The following SYT1 variants were observed in gnomAD, a reference collection of about 807,000 sequenced individuals.
SYT1 encodes synaptotagmin-1.
A neutral mutation model predicts 44.8 loss-of-function variants in SYT1; 8 were observed. That is an observed-to-expected ratio of 0.18 (90% CI 0.10 to 0.32). The LOEUF is 0.32. Among genes scored for constraint, SYT1 ranks in the 10% least tolerant of loss-of-function variants. SYT1 has a pLI of 1.00. For synonymous variants in SYT1, 154 were observed against 188.8 expected, an observed-to-expected ratio of 0.82 and a Z score of 1.51; for missense variants, 286 against 509.3, an observed-to-expected ratio of 0.56 and a Z score of 4.22.
chr12:79,038,529 A>G (rs1038753412), intron 2 of SYT1, among the ~76,000 whole-genome samples: 1 of 151,812 alleles, frequency 6.6e-6, no homozygotes, highest in Non-Finnish European at 1.5e-5. Context: ...TTCCAATAAT[A>G]AGAATTTAAG....
chr12:79,247,624 T>C (rs1565873875), intron 4 of SYT1, among the ~76,000 whole-genome samples: 1 of 152,172 alleles, frequency 6.6e-6, no homozygotes, highest in African/African-American at 2.4e-5. Context: ...CACCTACACA[T>C]TGGCCGTGGA....
intron 9 of SYT1, among the ~76,000 whole-genome samples, chr12:79,365,016 A>G (rs1233365544): frequency 6.6e-6 from 1 of 152,106 alleles, no homozygotes; most frequent in African/African-American, 2.4e-5. Context: ...TCAAGAAATA[A>G]AGTTAATCCA....
At chr12:79,420,284 G>A (rs1035887371) in intron 9 of SYT1, among the ~76,000 whole-genome samples, 9 of 152,036 alleles carry the variant, frequency 5.9e-5, no homozygotes, top group Non-Finnish European at 1.2e-4. Context: ...TCCTTGCCAT[G>A]TTGGCACTGT....
rs188699172 is a variant in SYT1, at chr12:79,014,633, C to T, written c.-83-32664C>T. Among the ~76,000 whole-genome samples the T allele has an allele frequency of 8.7e-4, 132 of 152,216 alleles. 1 individual carries two copies. The Middle Eastern group carries it at 0.017, about 20-fold the overall frequency. On this transcript the variant is annotated intron_variant, in intron 2 of 10. Coordinates refer to ENST00000261205, the MANE Select transcript of SYT1 (RefSeq NM_005639.3). ...TTGGTGGGACTGTATACTAGTTCAA[C>T]CATGTGGAAGTCAGTGTGGCGATTC...
intron 3 of SYT1, among the ~76,000 whole-genome samples, chr12:79,181,956 A>G (rs1210049304): frequency 1.3e-5 from 2 of 151,758 alleles, no homozygotes; most frequent in Non-Finnish European, 2.9e-5. Context: ...ACTATAAGTC[A>G]TCTCCGTTTT....
intron 9 of SYT1, among the ~76,000 whole-genome samples, chr12:79,388,078 TAATA>T (rs1217622204): frequency 2.0e-5 from 3 of 152,234 alleles, no homozygotes; most frequent in Non-Finnish European, 2.9e-5. Flanking sequence ...CATAAACACT[TAATA>T]AATGTCATTT....
intron 9 of SYT1, among the ~76,000 whole-genome samples, chr12:79,366,894 CTGTGTGTGTGTGTGTGTGTG>C (rs3995413): frequency 2.2e-4 from 26 of 117,470 alleles, no homozygotes; most frequent in Middle Eastern, 4.3e-3. Context: ...ATAAATAATA[CTGTGTGTGTGTGTGTGTGTG>C]TGTGTGTGTG....
intron 1 of SYT1, among the ~76,000 whole-genome samples, chr12:78,889,168 A>C (rs1438515533): frequency 6.6e-6 from 1 of 151,902 alleles, no homozygotes; most frequent in Non-Finnish European, 1.5e-5. Context: ...ATGTTTGTTA[A>C]GAACTAGTTC....
At chr12:78,995,537 G>A (rs1270114348) in intron 2 of SYT1, among the ~76,000 whole-genome samples, 3 of 152,154 alleles carry the variant, frequency 2.0e-5, no homozygotes, top group African/African-American at 7.2e-5. Context: ...AGCTATATAA[G>A]CAACAGCAGT....
rs935205989 is a variant in SYT1, at chr12:79,095,433, G to A, written c.-18+48071G>A. ...CTTTAAGGGTAACAGTTATATTTAC[G>A]TGTGTCTCTTCTTTTTTTTAATTTG... On this transcript the variant is annotated intron_variant, in intron 3 of 10. Transcript: ENST00000261205. Among the ~76,000 whole-genome samples, 6 of 151,846 alleles carry A rather than the reference G, an allele frequency of 4.0e-5. 1 individual carries two copies. Among genetic ancestry groups the A allele is most frequent in the Admixed American group, 2.0e-4 (3 of 15,196 alleles).
At chr12:79,385,527 A>G (rs9788036) in intron 9 of SYT1, among the ~76,000 whole-genome samples, 83,542 of 151,954 alleles carry the variant, frequency 0.55, 26,085 homozygotes, top group Non-Finnish European at 0.7. Flanking sequence ...GTCAGCCACA[A>G]TTAAAATTAA....
chr12:79,409,772 T>C (rs1256672064), intron 9 of SYT1, among the ~76,000 whole-genome samples: 2 of 152,044 alleles, frequency 1.3e-5, no homozygotes, highest in African/African-American at 2.4e-5. Flanking sequence ...CCTAATATGG[T>C]AGTAGGAGAG....
At chr12:78,937,429 A>T (rs559320061) in intron 1 of SYT1, among the ~76,000 whole-genome samples, 2 of 152,294 alleles carry the variant, frequency 1.3e-5, no homozygotes, top group East Asian at 3.9e-4. Context: ...ATGAAAATGT[A>T]TCTTAAATCA....
At chr12:78,945,400 A>G (rs188527081) in intron 1 of SYT1, among the ~76,000 whole-genome samples, 209 of 151,638 alleles carry the variant, frequency 1.4e-3, no homozygotes, top group Admixed American at 3.5e-3. Flanking sequence ...TATGATATGC[A>G]TATGTTATAC....
intron 8 of SYT1, among the ~76,000 whole-genome samples, chr12:79,327,308 A>G (rs1720437752): frequency 6.6e-6 from 1 of 152,208 alleles, no homozygotes. Context: ...TAGTATCCAC[A>G]GCAATCCTAC....
chr12:79,329,038 C>T (rs1384635561), intron 8 of SYT1, among the ~76,000 whole-genome samples: 1 of 152,062 alleles, frequency 6.6e-6, no homozygotes, highest in Non-Finnish European at 1.5e-5. Context: ...AGTTAGCAGC[C>T]AGGTATAACA....
chr12:79,185,683 T>C (rs1309055122), intron 3 of SYT1, among the ~76,000 whole-genome samples: 1 of 152,018 alleles, frequency 6.6e-6, no homozygotes, highest in African/African-American at 2.4e-5. Context: ...ACTGAAAATA[T>C]GGATCAGTAG....
At chr12:78,940,894 T>TTTCTG (rs1184370069) in intron 1 of SYT1, among the ~76,000 whole-genome samples, 2 of 152,104 alleles carry the variant, frequency 1.3e-5, no homozygotes, top group Non-Finnish European at 2.9e-5. Context: ...ATACTTTCTG[T>TTTCTG]TTCAGAAAGG....
At chr12:79,430,069 C>T (rs1010934651) in intron 9 of SYT1, among the ~76,000 whole-genome samples, 13 of 152,168 alleles carry the variant, frequency 8.5e-5, no homozygotes, top group African/African-American at 1.9e-4. Flanking sequence ...CCTAAGCATA[C>T]CACTATCCAA....
Sources: gnomAD v4.1 joint callset for allele counts (sites outside exome capture counted in the v4.1 genomes callset) on GRCh38, gnomAD v4.1.1 for gene constraint, MANE v1.5 for transcripts, NCBI Gene and HGNC (gene_info 2026-07-23, HGNC 2026-07-21) for gene names.